KLF5: variants seen among roughly 807,000 people sequenced by gnomAD.
KLF5 encodes KLF transcription factor 5, also known as Krueppel-like factor 5.
KLF5 carries 9 observed loss-of-function variants against 36.9 expected under a neutral mutation model. The observed-to-expected ratio is 0.24, with a 90% CI of 0.15 to 0.43. The LOEUF (loss-of-function observed/expected upper bound fraction) is 0.43. Ranked by LOEUF, KLF5 falls within the 20% of genes least tolerant of loss-of-function variation. The pLI is 1.00. For synonymous variants in KLF5, 246 were observed against 241.7 expected, an observed-to-expected ratio of 1.02 and a Z score of -0.17; for missense variants, 524 against 599.5, an observed-to-expected ratio of 0.87 and a Z score of 1.31.
At chr13:73,066,050 T>C (rs1341373129) in intron 3 of KLF5, among the ~76,000 whole-genome samples, 2 of 152,190 alleles carry the variant, frequency 1.3e-5, no homozygotes, top group Non-Finnish European at 2.9e-5. Flanking sequence ...ACCATAAACA[T>C]TGTGGCCTTC....
intron 3 of KLF5, among the ~76,000 whole-genome samples, chr13:73,070,008 T>A (rs2044711226): frequency 6.6e-6 from 1 of 152,196 alleles, no homozygotes; most frequent in East Asian, 1.9e-4. Flanking sequence ...GCCTACATCG[T>A]TTCTAGTGAA....
At chr13:73,065,839 TG>T (rs2044675118) in intron 3 of KLF5, among the ~76,000 whole-genome samples, 1 of 152,216 alleles carries the variant, frequency 6.6e-6, no homozygotes, top group Non-Finnish European at 1.5e-5. Context: ...ATTGCAGGGA[TG>T]TAGTCAAACC....
chr13:73,059,850 G>A (rs112353869), intron 1 of KLF5: 141,090 of 949,616 alleles, frequency 0.15, 11,775 homozygotes, highest in Non-Finnish European at 0.16. Context: ...GTAAGAGGGA[G>A]GGAACTGGGT....
At position 73,075,928 on chromosome 13, in the gene KLF5, C is replaced by A; in HGVS notation, c.*42C>A. On this transcript the variant is annotated 3_prime_UTR_variant, in exon 4 of 4. Coordinates refer to ENST00000377687, the MANE Select transcript of KLF5 (RefSeq NM_001730.5). Reference sequence around the variant, plus strand: ...CCGTTCCAGGTCCCCTGGGCTCCCTCAAATGACAGACCTAACTATTCCTGT... The same window carrying A: ...CCGTTCCAGGTCCCCTGGGCTCCCTAAAATGACAGACCTAACTATTCCTGT... The A allele has an allele frequency of 3.5e-6, 5 of 1,448,518 alleles. No individual in the cohort carries two copies. The highest frequency in any genetic ancestry group is 2.9e-5 in the South Asian group (2 of 68,274). The allele number at this position is 1,448,518 out of a possible 1,614,324, so 89.7% of individuals were successfully genotyped here.
rs1359855604 is a variant in KLF5, at chr13:73,059,654, T to A, written c.261+66T>A. Reference sequence around the variant, plus strand: ...CTCGGGCGTGTCCCGTTGCTGCGACTCGCGGGCGACAGGGGCCGCTCCAGG... The same window carrying A: ...CTCGGGCGTGTCCCGTTGCTGCGACACGCGGGCGACAGGGGCCGCTCCAGG... On this transcript the variant is annotated intron_variant, in intron 1 of 3. Coordinates refer to ENST00000377687, the MANE Select transcript of KLF5 (RefSeq NM_001730.5). 1.5e-5 allele frequency: 16 copies of A among 1,085,442 alleles called. No homozygotes were observed. In the East Asian group the frequency reaches 7.9e-4, roughly 53 times the overall value. The allele number at this position is 1,085,442 out of a possible 1,614,324, so 67.2% of individuals were successfully genotyped here. A position where few individuals can be genotyped will look rare whatever the true frequency, so the allele number is the denominator to read the frequency against.
rs1444728959 is a variant in KLF5 at position 73,062,412 on chromosome 13, G to A, written c.813G>A (p.Pro271=). 1.2e-5 allele frequency: 20 copies of A among 1,613,992 alleles called. No individual in the cohort carries two copies. Among genetic ancestry groups the A allele is most frequent in the Admixed American group, 5.0e-5 (3 of 59,992 alleles). ...AGLNTHTSAV[P]QTAVKQFQGM... ...TTAACACACACACCTCTGCTGTTCC[G>A]CAGACTGCAGTGAAACAATTCCAGG... The change falls in exon 2 of 4, where the codon CCG becomes CCA. Residue 271 remains proline (P), a synonymous_variant. Transcript: ENST00000377687.
intron 3 of KLF5, among the ~76,000 whole-genome samples, chr13:73,069,007 A>C (rs1256663036): frequency 6.6e-6 from 1 of 152,096 alleles, no homozygotes; most frequent in Non-Finnish European, 1.5e-5. Context: ...GATGCAGGAG[A>C]ATTGCTTGAA....
chr13:73,059,955 G>A, intron 1 of KLF5: 3 of 225,888 alleles, frequency 1.3e-5, no homozygotes, highest in Non-Finnish European at 2.2e-5. Flanking sequence ...CGCCTGTACC[G>A]CTCTCCAATG....
intron 3 of KLF5, among the ~76,000 whole-genome samples, chr13:73,069,642 A>G (rs1452542727): frequency 2.6e-5 from 4 of 152,166 alleles, no homozygotes; most frequent in African/African-American, 9.6e-5. Context: ...CTTAGAAGCA[A>G]TTTCTTTTTA....
rs1330114287 is a variant in KLF5 at position 73,059,414 on chromosome 13, G to T, written c.87G>T (p.Gln29His). 1 of 1,366,916 alleles carries T rather than the reference G, an allele frequency of 7.3e-7. No homozygotes were observed. The highest frequency in any genetic ancestry group is 3.1e-5 in the East Asian group (1 of 32,418). The allele number at this position is 1,366,916 out of a possible 1,614,324, so 84.7% of individuals were successfully genotyped here. A position where few individuals can be genotyped will look rare whatever the true frequency, so the allele number is the denominator to read the frequency against. Residue 29 changes from glutamine (Q) to histidine (H), a missense_variant, in exon 1 of 4, where the codon CAG (glutamine) becomes CAT (histidine). Physicochemically the swap from Gln to His is conservative, Grantham distance 24 (BLOSUM62 0). Around this residue, in one of 4 missense-constraint regions of KLF5, gnomAD observed 454 missense variants for 458.1 expected, o/e 0.99. Transcript: ENST00000377687. ...CGCAGGACGAGCCGGTGTTCGCGCAGCTCAAGCCGGTGCTGGGCGCCGCGA... is the reference window on the plus strand; with the variant it reads ...CGCAGGACGAGCCGGTGTTCGCGCATCTCAAGCCGGTGCTGGGCGCCGCGA... ...PAPQDEPVFA[Q>H]LKPVLGAANP...
chr13:73,072,648 T>A (rs960962403), intron 3 of KLF5, among the ~76,000 whole-genome samples: 8 of 152,224 alleles, frequency 5.3e-5, no homozygotes, highest in African/African-American at 1.9e-4. Flanking sequence ...CTCATCGTTT[T>A]GCTTCTAACT....
chr13:73,075,280 C>T (rs1217931474), intron 3 of KLF5, among the ~76,000 whole-genome samples: 2 of 152,170 alleles, frequency 1.3e-5, no homozygotes, highest in Non-Finnish European at 2.9e-5. Context: ...CCCTCACCCA[C>T]CTTACAGCCA....
intron 3 of KLF5, among the ~76,000 whole-genome samples, chr13:73,073,865 G>A (rs1387916440): frequency 6.6e-6 from 1 of 152,152 alleles, no homozygotes; most frequent in Non-Finnish European, 1.5e-5. Context: ...GTGATTGTAA[G>A]TGACAGAACG....
At position 73,062,304 on chromosome 13, in the gene KLF5, G is replaced by C; in HGVS notation, c.705G>C (p.Pro235=). The C allele has an allele frequency of 6.2e-7, 1 of 1,613,992 alleles. No homozygotes were observed. The highest frequency in any genetic ancestry group is 8.5e-7 in the Non-Finnish European group (1 of 1,179,976). Residue 235 remains proline, a synonymous_variant, in exon 2 of 4, where the codon CCG becomes CCC. Transcript: ENST00000377687. The part of the protein sequence containing the change: ...QGHLYQLLNT[P]DLDMPSSTNQ... ...ACCTGTACCAGCTACTGAATACACC[G>C]GATCTAGATATGCCCAGTTCTACAA...
At chr13:73,059,668 G>A (rs2044615817) in intron 1 of KLF5, 80 bp downstream of exon 1, 3 of 1,050,916 alleles carry the variant, frequency 2.9e-6, no homozygotes, top group South Asian at 9.1e-5. Flanking sequence ...GGGCGACAGG[G>A]GCCGCTCCAG....
chr13:73,064,478 AT>A (rs2139107727), intron 3 of KLF5, among the ~76,000 whole-genome samples: 1 of 152,214 alleles, frequency 6.6e-6, no homozygotes, highest in Non-Finnish European at 1.5e-5. Context: ...TCTAGCTTAC[AT>A]TCATTCTTGT....
chr13:73,062,461 A>G lies in KLF5; in HGVS notation c.862A>G (p.Met288Val), dbSNP rs765261626. ...FQGMPPCTYT[M>V]PSQFLPQQAT... ...GGGCATGCCCCCTTGCACATACACAATGCCAAGTCAGTTTCTTCCACAACA... is the reference window on the plus strand; with the variant it reads ...GGGCATGCCCCCTTGCACATACACAGTGCCAAGTCAGTTTCTTCCACAACA... The change falls in exon 2 of 4, where the codon ATG becomes GTG. Residue 288 changes from methionine to valine, a missense_variant. Coordinates refer to ENST00000377687, the MANE Select transcript of KLF5 (RefSeq NM_001730.5). 8 of 1,614,012 alleles carry G rather than the reference A, an allele frequency of 5.0e-6. No homozygotes were observed. Among genetic ancestry groups the G allele is most frequent in the Admixed American group, 1.7e-5 (1 of 59,992 alleles).
intron 3 of KLF5, among the ~76,000 whole-genome samples, chr13:73,068,801 G>A (rs533336455): frequency 5.9e-4 from 90 of 151,338 alleles, no homozygotes; most frequent in African/African-American, 2.1e-3. Context: ...TTAAAATCTC[G>A]ATAATATTTG....
chr13:73,059,800 G>A (rs901632776), intron 1 of KLF5: 1 of 753,212 alleles, frequency 1.3e-6, no homozygotes, highest in African/African-American at 1.9e-5. Flanking sequence ...GGGTGGGAAG[G>A]ATGGAGGGGA....
Sources: allele counts gnomAD v4.1 joint callset (sites outside exome capture counted in the v4.1 genomes callset), GRCh38; gene constraint gnomAD v4.1.1; regional missense constraint gnomAD v4.1.1; transcripts MANE v1.5; gene names NCBI Gene and HGNC (gene_info 2026-07-23, HGNC 2026-07-21).